Variants in TNNC2 observed in about 807,000 individuals in gnomAD.
TNNC2 encodes troponin C, skeletal muscle.
A neutral mutation model predicts 20.0 loss-of-function variants in TNNC2; 14 were observed. The observed-to-expected ratio is 0.70, with a 90% CI of 0.46 to 1.09. TNNC2 has a LOEUF of 1.09. TNNC2 is among the 50% of genes least tolerant of loss of function. The pLI is 0.00. For synonymous variants in TNNC2, 81 were observed against 77.3 expected, an observed-to-expected ratio of 1.05 and a Z score of -0.25; for missense variants, 163 against 223.8, an observed-to-expected ratio of 0.73 and a Z score of 1.73.
chr20:45,830,626 T>G (rs1378570539), upstream of TNNC2, among the ~76,000 whole-genome samples: 1 of 152,246 alleles, frequency 6.6e-6, no homozygotes, highest in Non-Finnish European at 1.5e-5. Flanking sequence ...CATTTCCCAG[T>G]GCTCAGCACT....
chr20:45,825,958 G>A (rs1257489836), intron 1 of TNNC2, among the ~76,000 whole-genome samples: 1 of 152,126 alleles, frequency 6.6e-6, no homozygotes, highest in East Asian at 1.9e-4. Context: ...GAGACAACAA[G>A]TTAAGCCCAA....
upstream of TNNC2, among the ~76,000 whole-genome samples, chr20:45,832,187 G>A (rs1487171269): frequency 6.6e-6 from 1 of 152,162 alleles, no homozygotes; most frequent in Non-Finnish European, 1.5e-5. Flanking sequence ...GCACATGCCT[G>A]TAGTCCCAGC....
chr20:45,823,995 G>GAAGTCA lies in TNNC2; in HGVS notation c.441_446dup (p.Phe149_Asp150dup), dbSNP rs1458497686. ...CAAGCTCCCGTTGGCCCTCACCGTC[G>GAAGTCA]AAGTCAATGCGGCCGTCGTTGTTCT... On this transcript the variant is annotated inframe_insertion, in exon 5 of 6. Coordinates refer to ENST00000372555, the MANE Select transcript of TNNC2 (RefSeq NM_003279.3). This position sits in a 1 kb window ranked among gnomAD's most constrained non-coding sequence, Gnocchi z 4.6. 4.3e-6 allele frequency: 7 copies of GAAGTCA among 1,613,890 alleles called. No individual in the cohort carries two copies. The highest frequency in any genetic ancestry group is 5.9e-6 in the Non-Finnish European group (7 of 1,179,974).
chr20:45,823,666 TA>T lies in TNNC2; in HGVS notation c.452-288del, dbSNP rs1982869281. Among the ~76,000 whole-genome samples the T allele has an allele frequency of 6.6e-6, 1 of 152,042 alleles. No homozygotes were observed. The highest frequency in any genetic ancestry group is 1.5e-5 in the Non-Finnish European group (1 of 67,988). ...CCACACCTGCCTTTTTATTTTATTT[TA>T]TTTTTTGTAAAGACAGGGTCTCACT... On this transcript the variant is annotated intron_variant, in intron 5 of 5. Transcript: ENST00000372555. The surrounding 1 kb of genome is among the most constrained non-coding windows in gnomAD (Gnocchi z 4.6).
chr20:45,832,050 G>A (rs1256375060), upstream of TNNC2, among the ~76,000 whole-genome samples: 2 of 152,180 alleles, frequency 1.3e-5, no homozygotes, highest in East Asian at 1.9e-4. Flanking sequence ...AGTGGCTCAC[G>A]CCTGTAATCC....
At chr20:45,827,396 C>T (rs1422283778), upstream of TNNC2, 41 of 1,007,756 alleles carry the variant, frequency 4.1e-5, no homozygotes, top group Non-Finnish European at 5.2e-5. Flanking sequence ...AGACCCTGCC[C>T]AATCAGATCC....
chr20:45,824,557 A>T lies in TNNC2; in HGVS notation c.137T>A (p.Met46Lys). 6.2e-7 allele frequency: 1 copy of T among 1,613,480 alleles called. No homozygotes were observed. Among genetic ancestry groups the T allele is most frequent in the Non-Finnish European group, 8.5e-7 (1 of 1,180,034 alleles). The change falls in exon 3 of 6, where the codon ATG becomes AAG. Residue 46 changes from methionine to lysine, a missense_variant. By Grantham distance (95) the Met-to-Lys change is moderately conservative. Coordinates refer to ENST00000372555, the MANE Select transcript of TNNC2 (RefSeq NM_003279.3). ...CTCCTTGGTGGGTGTCTGGCCCAGC[A>T]TCCTCATCACCGTGCCCAACTCCTT... ...SVKELGTVMR[M>K]LGQTPTKEEL...
Position 45,823,516 on chromosome 20 carries a change from G to A in TNNC2, c.452-137C>T, listed in dbSNP as rs970654044. On this transcript the variant is annotated intron_variant, in intron 5 of 5. Coordinates refer to ENST00000372555, the MANE Select transcript of TNNC2 (RefSeq NM_003279.3). The surrounding 1 kb of genome is among the most constrained non-coding windows in gnomAD (Gnocchi z 4.6). Reference sequence around the variant, plus strand: ...AGAGTCTCACTCTGTTGCCAAGGTCGCCAAGGTCTGTCACCCAGGCTAGAG... The same window carrying A: ...AGAGTCTCACTCTGTTGCCAAGGTCACCAAGGTCTGTCACCCAGGCTAGAG... 7.6e-6 allele frequency: 6 copies of A among 787,228 alleles called. No individual in the cohort carries two copies. The highest frequency in any genetic ancestry group is 5.5e-5 in the South Asian group (3 of 54,612). The allele number at this position is 787,228 out of a possible 1,614,324, so 48.8% of individuals were successfully genotyped here. A position where few individuals can be genotyped will look rare whatever the true frequency, so the allele number is the denominator to read the frequency against.
chr20:45,828,660 G>A (rs1179646436), upstream of TNNC2, among the ~76,000 whole-genome samples: 1 of 152,198 alleles, frequency 6.6e-6, no homozygotes. Context: ...ACCAAGTCCA[G>A]AGGGAGCCCA....
In TNNC2 at chr20:45,824,478, G is replaced by A. The variant is rs754488258; in HGVS notation, c.199+17C>T. On this transcript the variant is annotated intron_variant, in intron 3 of 5. Transcript: ENST00000372555. ...CCTCTCCCCACCATCCCCTGCCTCC[G>A]AGGGACACCCGCTCACCGTCCTCAT... 2 of 1,612,988 alleles carry A rather than the reference G, an allele frequency of 1.2e-6. No individual in the cohort carries two copies. Among genetic ancestry groups the A allele is most frequent in the African/African-American group, 1.3e-5 (1 of 74,884 alleles).
chr20:45,831,374 C>T (rs998768196), upstream of TNNC2, among the ~76,000 whole-genome samples: 2 of 152,118 alleles, frequency 1.3e-5, no homozygotes, highest in Non-Finnish European at 2.9e-5. Context: ...GTCAGCAGTT[C>T]GAGACCAGCC....
rs1360699626 is a variant in TNNC2, at chr20:45,824,109, G to C, written c.333C>G (p.Ile111Met). Residue 111 changes from isoleucine to methionine, a missense_variant, in exon 5 of 6, where the codon ATC (isoleucine) becomes ATG (methionine). Coordinates refer to ENST00000372555, the MANE Select transcript of TNNC2 (RefSeq NM_003279.3). Reference sequence around the variant, plus strand: ...AAATCTCAGCCAGCTCCTCCGGGTCGATGTAGCCGTCTGCATTCCTTCAGG... The same window carrying C: ...AAATCTCAGCCAGCTCCTCCGGGTCCATGTAGCCGTCTGCATTCCTTCAGG... ...RIFDRNADGY[I>M]DPEELAEIFR... is the part of the protein sequence containing the mutation. 4 of 1,613,888 alleles carry C rather than the reference G, an allele frequency of 2.5e-6. No homozygotes were observed. The highest frequency in any genetic ancestry group is 3.4e-6 in the Non-Finnish European group (4 of 1,179,980).
upstream of TNNC2, among the ~76,000 whole-genome samples, chr20:45,830,844 G>A (rs1038389161): frequency 7.9e-5 from 12 of 152,184 alleles, no homozygotes; most frequent in African/African-American, 2.9e-4. Context: ...GCTGTAGGGA[G>A]ATATCCATAC....
At chr20:45,832,862 G>A (rs994530088) in intron 2 of TNNC2, among the ~76,000 whole-genome samples, 13 of 152,310 alleles carry the variant, frequency 8.5e-5, no homozygotes, top group South Asian at 4.1e-4. Flanking sequence ...ATGCAGCAGG[G>A]GACCTGGGCT....
intron 1 of TNNC2, 51 bp downstream of exon 1, chr20:45,827,195 G>A: frequency 6.2e-7 from 1 of 1,613,366 alleles, no homozygotes; most frequent in South Asian, 1.1e-5. Flanking sequence ...GCCTGAAAGG[G>A]GTCCAGAGTG....
At chr20:45,827,118 G>A (rs925234503) in intron 1 of TNNC2, 128 bp downstream of exon 1, 5 of 1,231,164 alleles carry the variant, frequency 4.1e-6, no homozygotes, top group Non-Finnish European at 5.9e-6. Context: ...AGACACCTGG[G>A]TTCCAGGAAC....
At chr20:45,827,123 A>G in intron 1 of TNNC2, 123 bp downstream of exon 1, 17 of 1,308,132 alleles carry the variant, frequency 1.3e-5, no homozygotes, top group Non-Finnish European at 1.9e-5. Context: ...CCTGGGTTCC[A>G]GGAACCTCCA....
chr20:45,823,939 G>C lies in TNNC2; in HGVS notation c.451+52C>G. ...GCACCGGAGCCAGGCACCAGTGCCC[G>C]CCGTCCTCTGGGGCTCCCACCCGCT... On this transcript the variant is annotated intron_variant, in intron 5 of 5. Transcript: ENST00000372555. The surrounding 1 kb of genome is among the most constrained non-coding windows in gnomAD (Gnocchi z 4.6). 6.2e-7 allele frequency: 1 copy of C among 1,609,862 alleles called. No homozygotes were observed. The highest frequency in any genetic ancestry group is 8.5e-7 in the Non-Finnish European group (1 of 1,177,408).
chr20:45,828,984 T>G (rs751066374), upstream of TNNC2, among the ~76,000 whole-genome samples: 7 of 152,028 alleles, frequency 4.6e-5, no homozygotes, highest in African/African-American at 1.2e-4. Context: ...TTTGGTTTTT[T>G]GGGGTTTTGT....
Sources: gnomAD v4.1 joint callset for allele counts (sites outside exome capture counted in the v4.1 genomes callset) on GRCh38, gnomAD v4.1.1 for gene constraint, Gnocchi (gnomAD v3.1) non-coding constraint, MANE v1.5 for transcripts, NCBI Gene and HGNC (gene_info 2026-07-23, HGNC 2026-07-21) for gene names.